ZNF618: variants seen among roughly 807,000 people sequenced by gnomAD.
The protein encoded by ZNF618 is zinc finger protein 618.
A neutral mutation model predicts 103.0 loss-of-function variants in ZNF618; 34 were observed. That is an observed-to-expected ratio of 0.33 (90% CI 0.25 to 0.44). The LOEUF (loss-of-function observed/expected upper bound fraction) is 0.44, where lower values mean the gene tolerates loss of function less well. Among genes scored for constraint, ZNF618 ranks in the 20% least tolerant of loss-of-function variants. The pLI is 1.00. For synonymous variants in ZNF618, 551 were observed against 542.2 expected (o/e 1.02, Z -0.23); for missense variants, 1,059 against 1,295.4 (o/e 0.82, Z 2.80).
chr9:114,014,249 A>G (rs1343302511), intron 9 of ZNF618, among the ~76,000 whole-genome samples: 1 of 152,252 alleles, frequency 6.6e-6, no homozygotes, highest in Non-Finnish European at 1.5e-5. Flanking sequence ...CTTTATTAGA[A>G]GGCAAAGCTT....
intron 1 of ZNF618, among the ~76,000 whole-genome samples, chr9:113,893,529 T>A (rs1479346161): frequency 6.6e-6 from 1 of 152,198 alleles, no homozygotes; most frequent in Non-Finnish European, 1.5e-5. Context: ...TGTAAGCATA[T>A]TTTTATTATT....
intron 6 of ZNF618, among the ~76,000 whole-genome samples, chr9:114,006,982 G>C (rs1432476919): frequency 1.3e-5 from 2 of 152,196 alleles, no homozygotes; most frequent in Admixed American, 6.5e-5. Flanking sequence ...AGAAGTCCCA[G>C]TCTTTTGTAA....
chr9:114,043,847 T>A (rs977141437), intron 13 of ZNF618, among the ~76,000 whole-genome samples: 1 of 152,232 alleles, frequency 6.6e-6, no homozygotes, highest in Admixed American at 6.5e-5. Flanking sequence ...TTGTATATCT[T>A]CTTTTGAGAT....
In ZNF618 at chr9:113,912,294, G is replaced by A. The variant is rs191947017; in HGVS notation, c.33+35881G>A. 2.5e-4 allele frequency among the ~76,000 whole-genome samples: 38 copies of A among 152,278 alleles called. No homozygotes were observed. The Middle Eastern group carries it at 0.014, about 55-fold the overall frequency. On this transcript the variant is annotated intron_variant, in intron 1 of 14. Coordinates refer to ENST00000374126, the MANE Select transcript of ZNF618 (RefSeq NM_001318042.2). ...AGAAGGCAGCATTCATCTACACAAA[G>A]GGATCTCCTCCATTTAAATTTGATT...
At chr9:113,986,696 G>A (rs913122988) in intron 2 of ZNF618, among the ~76,000 whole-genome samples, 1 of 152,152 alleles carries the variant, frequency 6.6e-6, no homozygotes, top group Non-Finnish European at 1.5e-5. Flanking sequence ...CACACTGGGG[G>A]TTAGGGCTTC....
At chr9:114,040,504 C>T (rs144836026) in intron 13 of ZNF618, among the ~76,000 whole-genome samples, 2,250 of 151,864 alleles carry the variant, frequency 0.015, 57 homozygotes, top group African/African-American at 0.051. Flanking sequence ...CAACCGGCCC[C>T]GGTGTGTGAT....
chr9:114,043,324 G>A (rs931770889), intron 13 of ZNF618, among the ~76,000 whole-genome samples: 7 of 152,186 alleles, frequency 4.6e-5, no homozygotes, highest in Admixed American at 4.6e-4. Flanking sequence ...TAAAGTGGCT[G>A]CATCATTTTT....
At chr9:113,957,328 A>T (rs1836404451) in intron 1 of ZNF618, among the ~76,000 whole-genome samples, 1 of 152,148 alleles carries the variant, frequency 6.6e-6, no homozygotes, top group Non-Finnish European at 1.5e-5. Flanking sequence ...TCTATTTTAC[A>T]TCAGAGGAAA....
chr9:114,032,180 C>T (rs1316892158), intron 11 of ZNF618, among the ~76,000 whole-genome samples: 1 of 152,228 alleles, frequency 6.6e-6, no homozygotes, highest in Non-Finnish European at 1.5e-5. Context: ...CTCCCTGTCA[C>T]CAGGGACCAC....
intron 1 of ZNF618, among the ~76,000 whole-genome samples, chr9:113,959,405 A>G (rs1836632149): frequency 3.3e-5 from 5 of 152,228 alleles, no homozygotes; most frequent in Non-Finnish European, 7.3e-5. Flanking sequence ...AGCTGGGGGA[A>G]TAGAATGAAC....
chr9:113,951,433 A>ATATATATACACACATATATGTGTGTGTG lies in ZNF618; in HGVS notation c.34-17674_34-17673insCACATATATGTGTGTGTGTATATATACA. On this transcript the variant is annotated intron_variant, in intron 1 of 14. Coordinates refer to ENST00000374126, the MANE Select transcript of ZNF618 (RefSeq NM_001318042.2). ...TATACACACATATATGTGTGTGTGT[A>ATATATATACACACATATATGTGTGTGTG]TATATATACATATATGTGTATATAT... is the stretch of plus-strand genomic sequence containing the variant. 9.0e-5 allele frequency among the ~76,000 whole-genome samples: 6 copies of ATATATATACACACATATATGTGTGTGTG among 66,980 alleles called. No homozygotes were observed. The South Asian group carries it at 1.3e-3, about 15-fold the overall frequency. The allele number at this position is 66,980 out of a possible 152,430, so 43.9% of individuals were successfully genotyped here. A position where few individuals can be genotyped will look rare whatever the true frequency, so the allele number is the denominator to read the frequency against.
At chr9:114,039,031 AAGTAACTTGTC>A (rs1420668450) in intron 13 of ZNF618, among the ~76,000 whole-genome samples, 20 of 152,220 alleles carry the variant, frequency 1.3e-4, no homozygotes, top group Admixed American at 3.3e-4. Context: ...CAAACTGGTT[AAGTAACTTGTC>A]CAAGGCTATG....
chr9:113,913,675 A>G (rs985201855), intron 1 of ZNF618, among the ~76,000 whole-genome samples: 17 of 131,646 alleles, frequency 1.3e-4, no homozygotes, highest in Non-Finnish European at 2.4e-4. Context: ...GTCAGTGTCT[A>G]TCTTTGGTCA....
At chr9:113,881,846 G>T (rs1478481235) in intron 1 of ZNF618, among the ~76,000 whole-genome samples, 2 of 152,138 alleles carry the variant, frequency 1.3e-5, no homozygotes, top group African/African-American at 2.4e-5. Flanking sequence ...CCTTTTATTT[G>T]TCCCAACGCA....
At chr9:114,017,333 G>A (rs1297785616) in intron 10 of ZNF618, among the ~76,000 whole-genome samples, 1 of 152,112 alleles carries the variant, frequency 6.6e-6, no homozygotes, top group Admixed American at 6.5e-5. Context: ...GTGACCTGGG[G>A]CAGGCTGCGT....
At position 114,048,828 on chromosome 9, in the gene ZNF618, T is replaced by C; in HGVS notation, c.1526T>C (p.Phe509Ser). 1 of 1,612,276 alleles carries C rather than the reference T, an allele frequency of 6.2e-7. No homozygotes were observed. The highest frequency in any genetic ancestry group is 1.1e-5 in the South Asian group (1 of 90,804). Residue 509 changes from phenylalanine (F) to serine (S), a missense_variant, in exon 15 of 15, where the codon TTC becomes TCC. By Grantham distance (155) the Phe-to-Ser change is radical. Transcript: ENST00000374126. ...LVDSGARYGA[F>S]SVTEILGNFN... ...GACAGTGGTGCCCGCTATGGGGCCT[T>C]CTCGGTCACTGAAATCCTGGGCAAC...
intron 10 of ZNF618, among the ~76,000 whole-genome samples, chr9:114,024,026 ATC>A (rs776234520): frequency 1.3e-5 from 2 of 152,066 alleles, no homozygotes; most frequent in African/African-American, 4.8e-5. Context: ...TTCTTTCCTA[ATC>A]TCTCTTTTCT....
chr9:113,914,964 C>A (rs1490772076), intron 1 of ZNF618, among the ~76,000 whole-genome samples: 1 of 152,150 alleles, frequency 6.6e-6, no homozygotes, highest in Non-Finnish European at 1.5e-5. Flanking sequence ...AAATTTGCAC[C>A]CCTGTCTAAG....
chr9:114,048,726 G>T lies in ZNF618; in HGVS notation c.1424G>T (p.Arg475Met). The T allele has an allele frequency of 6.2e-7, 1 of 1,614,048 alleles. No homozygotes were observed. Among genetic ancestry groups the T allele is most frequent in the Non-Finnish European group, 8.5e-7 (1 of 1,179,904 alleles). ...CAGAACATCGCAGAGCGGCTGTTGA[G>T]GGTCATGTGTGCCGACCTGGGTGCA... Reference protein sequence around the residue: ...ERQNIAERLLRVMCADLGALS... With the variant: ...ERQNIAERLLMVMCADLGALS... Residue 475 changes from arginine to methionine, a missense_variant, in exon 15 of 15, where the codon AGG becomes ATG. Physicochemically the swap from Arg to Met is moderately conservative, Grantham distance 91. Around this residue, in one of 6 missense-constraint regions of ZNF618, gnomAD observed 434 missense variants for 476.0 expected, o/e 0.91. Transcript: ENST00000374126.
Sources: allele counts gnomAD v4.1 joint callset (sites outside exome capture counted in the v4.1 genomes callset), GRCh38; gene constraint gnomAD v4.1.1; regional missense constraint gnomAD v4.1.1; transcripts MANE v1.5; gene names NCBI Gene and HGNC (gene_info 2026-07-23, HGNC 2026-07-21).